Variants in FMO3 observed in about 807,000 individuals in gnomAD.
FMO3 encodes the protein flavin-containing monooxygenase 3.
Under a neutral mutation model 39.4 loss-of-function variants are expected in FMO3, and 40 were observed. The observed-to-expected ratio is 1.02, with a 90% CI of 0.79 to 1.32. The LOEUF (loss-of-function observed/expected upper bound fraction) is 1.32, where lower values mean the gene tolerates loss of function less well. Among genes scored for constraint, FMO3 ranks in the 40% most tolerant of loss-of-function variants. The pLI is 0.00. For missense variants in FMO3, 680 were observed against 651.8 expected (o/e 1.04, Z -0.47); for synonymous variants, 219 against 228.8 (o/e 0.96, Z 0.39).
intron 2 of FMO3, among the ~76,000 whole-genome samples, chr1:171,096,955 A>G (rs1017504487): frequency 6.8e-6 from 1 of 147,702 alleles, no homozygotes; most frequent in Non-Finnish European, 1.5e-5. Flanking sequence ...CCCGCCCCAC[A>G]ACAGGCCCCA....
rs768393243 is a variant in FMO3, at chr1:171,117,206, C to A, written c.1363C>A (p.Pro455Thr). 1.9e-6 allele frequency: 3 copies of A among 1,614,142 alleles called. No individual in the cohort carries two copies. The South Asian group carries it at 3.3e-5, about 18-fold the overall frequency. The change falls in exon 9 of 9, where the codon CCC becomes ACC. Residue 455 changes from proline to threonine, a missense_variant. Coordinates refer to ENST00000367755, the MANE Select transcript of FMO3 (RefSeq NM_001002294.3). Reference sequence around the variant, plus strand: ...CATCCCATGGCTGTTTCTCACAGATCCCAAATTGGCCATGGAAGTTTATTT... The same window carrying A: ...CATCCCATGGCTGTTTCTCACAGATACCAAATTGGCCATGGAAGTTTATTT... Reference protein sequence around the residue: ...PNIPWLFLTDPKLAMEVYFGP... With the variant: ...PNIPWLFLTDTKLAMEVYFGP...
intron 6 of FMO3, 51 bp downstream of exon 6, chr1:171,111,048 A>G: frequency 6.9e-7 from 1 of 1,444,458 alleles, no homozygotes; most frequent in South Asian, 1.1e-5. Context: ...TTCAGTGTCA[A>G]CAACCCTTAA....
At chr1:171,099,104 T>C (rs1655237285) in intron 2 of FMO3, among the ~76,000 whole-genome samples, 1 of 152,180 alleles carries the variant, frequency 6.6e-6, no homozygotes, top group Admixed American at 6.6e-5. Context: ...TGTGTCTTTG[T>C]TCTCGTTGGT....
Position 171,117,553 on chromosome 1 carries a change from G to T in FMO3, c.*111G>T. ...CCTGCTTTTCTATTCAGCATCTTTTGCAGTACTCTGTAGACATTAGTCAGT... is the reference window on the plus strand; with the variant it reads ...CCTGCTTTTCTATTCAGCATCTTTTTCAGTACTCTGTAGACATTAGTCAGT... On this transcript the variant is annotated 3_prime_UTR_variant, in exon 9 of 9. Transcript: ENST00000367755. 1 of 774,472 alleles carries T rather than the reference G, an allele frequency of 1.3e-6. No individual in the cohort carries two copies. Among genetic ancestry groups the T allele is most frequent in the Non-Finnish European group, 2.1e-6 (1 of 474,266 alleles). 48.0% of individuals were successfully genotyped at this position (774,472 alleles called of 1,614,324 possible). A position where few individuals can be genotyped will look rare whatever the true frequency, so the allele number is the denominator to read the frequency against.
intron 5 of FMO3, among the ~76,000 whole-genome samples, chr1:171,108,694 T>G (rs1370299473): frequency 6.6e-6 from 1 of 152,166 alleles, no homozygotes; most frequent in Non-Finnish European, 1.5e-5. Context: ...GGCACACATT[T>G]ATTCAATGAC....
chr1:171,099,795 T>A (rs1255170986), intron 2 of FMO3: 4 of 150,536 alleles, frequency 2.7e-5, no homozygotes, highest in Admixed American at 1.3e-4. Flanking sequence ...TTCTTCTTCT[T>A]TTTTTTTAGA....
At chr1:171,096,160 A>T (rs1327958133) in intron 2 of FMO3, among the ~76,000 whole-genome samples, 4 of 69,780 alleles carry the variant, frequency 5.7e-5, no homozygotes, top group East Asian at 4.0e-4. Flanking sequence ...TGAATATATA[A>T]TATATATAAT....
intron 5 of FMO3, among the ~76,000 whole-genome samples, chr1:171,109,033 T>C (rs1278336713): frequency 1.3e-5 from 2 of 152,202 alleles, no homozygotes; most frequent in East Asian, 3.8e-4. Flanking sequence ...AGTTTCATCT[T>C]GCTGGAATGG....
At chr1:171,092,296 T>C (rs944697471) in intron 1 of FMO3, among the ~76,000 whole-genome samples, 1 of 152,164 alleles carries the variant, frequency 6.6e-6, no homozygotes, top group Non-Finnish European at 1.5e-5. Context: ...CACGGCTCAC[T>C]GCAGCCTGGA....
At position 171,114,169 on chromosome 1, in the gene FMO3, G is replaced by C. The variant is rs575739239; in HGVS notation, c.990G>C (p.Gly330=). ...EGIDCVIFAT[G]YSFAYPFLDE... is the part of the protein sequence containing the mutation. ...TTGACTGTGTAATCTTTGCAACAGG[G>C]TATAGTTTTGCCTACCCCTTCCTTG... is the stretch of plus-strand genomic sequence containing the variant. The change falls in exon 7 of 9, where the codon GGG becomes GGC. Residue 330 remains glycine, a synonymous_variant. Coordinates refer to ENST00000367755, the MANE Select transcript of FMO3 (RefSeq NM_001002294.3). 1.2e-6 allele frequency: 2 copies of C among 1,613,894 alleles called. No individual in the cohort carries two copies. The highest frequency in any genetic ancestry group is 1.7e-6 in the Non-Finnish European group (2 of 1,179,964).
intron 2 of FMO3, among the ~76,000 whole-genome samples, chr1:171,094,629 A>T (rs957344607): frequency 9.9e-5 from 15 of 152,076 alleles, no homozygotes; most frequent in Non-Finnish European, 2.2e-4. Context: ...ATGGTGAGAG[A>T]TAGGGGTCCA....
intron 5 of FMO3, 82 bp downstream of exon 5, chr1:171,108,303 G>A (rs1557942509): frequency 1.2e-5 from 18 of 1,522,412 alleles, no homozygotes; most frequent in Middle Eastern, 3.4e-4. Flanking sequence ...ATGAAATGTG[G>A]GGGAGGAGGG....
intron 2 of FMO3, 131 bp downstream of exon 2, chr1:171,092,921 G>A: frequency 1.0e-6 from 1 of 1,000,778 alleles, no homozygotes; most frequent in Non-Finnish European, 1.5e-6. Context: ...AATCCACTAA[G>A]TACAGTGTCA....
rs779056077 is a variant in FMO3, at chr1:171,110,797, G to A, written c.628-1G>A. The A allele has an allele frequency of 3.7e-6, 6 of 1,613,832 alleles. No individual in the cohort carries two copies. The highest frequency in any genetic ancestry group is 5.1e-6 in the Non-Finnish European group (6 of 1,179,810). On this transcript the variant is annotated splice_acceptor_variant, in intron 5 of 8. Transcript: ENST00000367755. LOFTEE classifies it high-confidence loss of function. ...TCATGGTTGAATTGGTGTTTTTTAAGGTCATGATCAGTTCCAGAAGTGGCT... is the reference window on the plus strand; with the variant it reads ...TCATGGTTGAATTGGTGTTTTTTAAAGTCATGATCAGTTCCAGAAGTGGCT...
At chr1:171,092,563 C>T in intron 1 of FMO3, 90 bp from the exon 2 acceptor site, 1 of 1,494,482 alleles carries the variant, frequency 6.7e-7, no homozygotes, top group South Asian at 1.1e-5. Context: ...TTTTATTAAG[C>T]CAAAGAGCGA....
intron 3 of FMO3, 113 bp from the exon 4 acceptor site, chr1:171,107,562 T>G: frequency 1.3e-6 from 1 of 768,232 alleles, no homozygotes; most frequent in East Asian, 2.7e-5. Context: ...ATTTGTAATA[T>G]GTATCTTAAT....
chr1:171,099,794 T>C (rs1365924537), intron 2 of FMO3: 1 of 148,758 alleles, frequency 6.7e-6, no homozygotes, highest in Non-Finnish European at 1.5e-5. Context: ...TTTCTTCTTC[T>C]TTTTTTTTAG....
intron 2 of FMO3, among the ~76,000 whole-genome samples, chr1:171,095,989 A>T (rs1400929710): frequency 7.6e-5 from 2 of 26,488 alleles, no homozygotes; most frequent in African/African-American, 1.6e-4. Flanking sequence ...GATATATTTT[A>T]TATATTTTTA....
chr1:171,103,895 T>G lies in FMO3; in HGVS notation c.243T>G (p.Phe81Leu). ...DFPFPDDFPN[F>L]MHNSKIQEYI... ...CATTTCCCGATGACTTCCCCAACTT[T>G]ATGCACAACAGCAAGATCCAGGAAT... The change falls in exon 3 of 9, where the codon TTT becomes TTG. Residue 81 changes from phenylalanine to leucine, a missense_variant. Transcript: ENST00000367755. The G allele has an allele frequency of 6.2e-7, 1 of 1,613,948 alleles. No individual in the cohort carries two copies. Among genetic ancestry groups the G allele is most frequent in the Non-Finnish European group, 8.5e-7 (1 of 1,179,886 alleles).
Sources: allele counts gnomAD v4.1 joint callset (sites outside exome capture counted in the v4.1 genomes callset), GRCh38; gene constraint gnomAD v4.1.1; transcripts MANE v1.5; gene names NCBI Gene and HGNC (gene_info 2026-07-23, HGNC 2026-07-21).